KIT: variants seen among roughly 807,000 people sequenced by gnomAD.
KIT encodes KIT proto-oncogene, receptor tyrosine kinase, also known as mast/stem cell growth factor receptor Kit.
KIT carries 16 observed loss-of-function variants against 105.7 expected under a neutral mutation model. The ratio of observed to expected loss-of-function variants is 0.15; its 90% CI spans 0.10 to 0.23. The LOEUF (loss-of-function observed/expected upper bound fraction) is 0.23. KIT is among the 10% of genes least tolerant of loss of function. KIT has a pLI of 1.00. For synonymous variants in KIT, 438 were observed against 441.1 expected (o/e 0.99, Z 0.09); for missense variants, 858 against 1,213.8 (o/e 0.71, Z 4.36).
intron 9 of KIT, 32 bp downstream of exon 9, chr4:54,726,082 T>A (rs753085778): frequency 6.5e-7 from 1 of 1,548,936 alleles, no homozygotes; most frequent in South Asian, 1.1e-5. Flanking sequence ...TTTAAGGGGA[T>A]GTTTAGGCTC....
intron 1 of KIT, among the ~76,000 whole-genome samples, chr4:54,691,301 G>A (rs937542798): frequency 2.0e-5 from 3 of 152,152 alleles, no homozygotes; most frequent in African/African-American, 7.2e-5. Flanking sequence ...CTAAGACCTT[G>A]GAGTGGATGT....
chr4:54,665,607 C>T (rs1717635375), intron 1 of KIT, among the ~76,000 whole-genome samples: 2 of 152,146 alleles, frequency 1.3e-5, no homozygotes, highest in South Asian at 4.2e-4. Flanking sequence ...GGAAGGAGAA[C>T]TGGAATTATC....
rs878853760 is a variant in KIT, at chr4:54,723,626, T to A, written c.1274T>A (p.Met425Lys). ...ACTTACGACAGGCTCGTGAATGGCATGCTCCAATGTGTGGCAGCAGGATTC... is the reference window on the plus strand; with the variant it reads ...ACTTACGACAGGCTCGTGAATGGCAAGCTCCAATGTGTGGCAGCAGGATTC... The part of the protein sequence containing the change: ...ILTYDRLVNG[M>K]LQCVAAGFPE... Residue 425 changes from methionine to lysine, a missense_variant, in exon 8 of 21, where the codon ATG (methionine) becomes AAG (lysine). Met to Lys is a moderately conservative substitution (Grantham distance 95, BLOSUM62 -1). Transcript: ENST00000288135. 3.7e-6 allele frequency: 6 copies of A among 1,614,046 alleles called. No homozygotes were observed. The highest frequency in any genetic ancestry group is 5.1e-6 in the Non-Finnish European group (6 of 1,180,024).
intron 2 of KIT, among the ~76,000 whole-genome samples, chr4:54,696,334 A>C (rs1056174648): frequency 6.6e-6 from 1 of 152,144 alleles, no homozygotes; most frequent in Non-Finnish European, 1.5e-5. Context: ...TGGTAGTTGG[A>C]GTTCTTTGCT....
intron 1 of KIT, among the ~76,000 whole-genome samples, chr4:54,663,476 C>G (rs1717446318): frequency 6.6e-6 from 1 of 151,632 alleles, no homozygotes; most frequent in African/African-American, 2.4e-5. Flanking sequence ...TCAGCTTTGC[C>G]TCTTAGAAAA....
At chr4:54,733,789 TG>T (rs1578003876) in intron 17 of KIT, among the ~76,000 whole-genome samples, 1 of 152,316 alleles carries the variant, frequency 6.6e-6, no homozygotes, top group East Asian at 1.9e-4. Context: ...AACTAAGGCA[TG>T]GCATATTTTA....
chr4:54,738,248 A>G (rs1723038926), intron 20 of KIT, among the ~76,000 whole-genome samples, 181 bp from the exon 21 acceptor site: 1 of 152,116 alleles, frequency 6.6e-6, no homozygotes, highest in African/African-American at 2.4e-5. Flanking sequence ...ATGAAGGGGG[A>G]AAACAAAGCT....
At position 54,731,186 on chromosome 4, in the gene KIT, C is replaced by T. The variant is rs187229561; in HGVS notation, c.2142-142C>T. The T allele has an allele frequency of 7.1e-4, 502 of 709,516 alleles. 1 individual carries two copies. The African/African-American group carries it at 8.3e-3, about 12-fold the overall frequency. 44.0% of individuals were successfully genotyped at this position (709,516 alleles called of 1,614,324 possible). On this transcript the variant is annotated intron_variant, in intron 14 of 20. Transcript: ENST00000288135. The stretch of plus-strand genomic sequence containing the variant: ...TCTTACAGAACAGGATTTTCAAACT[C>T]TTTATTCAAACTTTACATGACTTTC...
At chr4:54,718,800 G>A (rs1038661953) in intron 7 of KIT, among the ~76,000 whole-genome samples, 1 of 152,162 alleles carries the variant, frequency 6.6e-6, no homozygotes, top group Non-Finnish European at 1.5e-5. Flanking sequence ...ACTTCTGTTA[G>A]TGTCCATATG....
At chr4:54,697,398 G>A (rs1446068304) in intron 2 of KIT, among the ~76,000 whole-genome samples, 2 of 152,142 alleles carry the variant, frequency 1.3e-5, no homozygotes, top group Non-Finnish European at 2.9e-5. Flanking sequence ...TGTAATCTGT[G>A]GGCCTAAACA....
intron 1 of KIT, among the ~76,000 whole-genome samples, chr4:54,687,663 G>A (rs1027891298): frequency 6.6e-6 from 1 of 151,908 alleles, no homozygotes; most frequent in African/African-American, 2.4e-5. Context: ...TGGTTGGGTT[G>A]GGGTCCCCAT....
Position 54,737,175 on chromosome 4 carries a change from G to T in KIT, c.2697G>T (p.Met899Ile), listed in dbSNP as rs769984428. The T allele has an allele frequency of 6.2e-7, 1 of 1,605,866 alleles. No homozygotes were observed. Among genetic ancestry groups the T allele is most frequent in the Admixed American group, 1.7e-5 (1 of 60,018 alleles). The change falls in exon 20 of 21, where the codon ATG (methionine) becomes ATT (isoleucine). Residue 899 changes from methionine (M) to isoleucine (I), a missense_variant and splice_region_variant. By Grantham distance (10) the Met-to-Ile change is conservative (BLOSUM62 1). This residue lies in a region of KIT where 105 missense variants were observed against 103.5 expected (regional missense o/e 1.01). Transcript: ENST00000288135. The part of the protein sequence containing the change: ...MLSPEHAPAE[M>I]YDIMKTCWDA... ...ATAGTAAATGGCCCTTGTCTTGCAG[G>T]TATGACATAATGAAGACTTGCTGGG...
chr4:54,701,586 C>G (rs1274617173), intron 4 of KIT, among the ~76,000 whole-genome samples: 3 of 152,184 alleles, frequency 2.0e-5, no homozygotes, highest in Non-Finnish European at 4.4e-5. Flanking sequence ...GAATCTTTGA[C>G]AGTATCCTAA....
intron 7 of KIT, among the ~76,000 whole-genome samples, chr4:54,720,515 C>T (rs1721800611): frequency 6.6e-6 from 1 of 152,158 alleles, no homozygotes; most frequent in Non-Finnish European, 1.5e-5. Context: ...TGAGCTGTTC[C>T]AATTTTTTAA....
chr4:54,659,708 CTT>C (rs1355031258), intron 1 of KIT, among the ~76,000 whole-genome samples: 1 of 152,138 alleles, frequency 6.6e-6, no homozygotes, highest in Admixed American at 6.5e-5. Context: ...CACATCTGGT[CTT>C]TATGTTTTTG....
At chr4:54,727,671 T>C in intron 11 of KIT, 129 bp downstream of exon 11, 1 of 1,345,198 alleles carries the variant, frequency 7.4e-7, no homozygotes. Flanking sequence ...ATTGCGCCCC[T>C]TTTGATAGGT....
At chr4:54,719,132 G>C (rs1011712845) in intron 7 of KIT, among the ~76,000 whole-genome samples, 1 of 152,144 alleles carries the variant, frequency 6.6e-6, no homozygotes, top group African/African-American at 2.4e-5. Flanking sequence ...GGAGACTTAA[G>C]TGTTTGCGTT....
In KIT at chr4:54,732,931, T is replaced by G. The variant is rs567562664; in HGVS notation, c.2362-139T>G. On this transcript the variant is annotated intron_variant, in intron 16 of 20. Transcript: ENST00000288135. Reference sequence around the variant, plus strand: ...CAAGGCGTACTTTTGATTTTTATTTTTGGTGTACTGAATACTTTAAAACAA... The same window carrying G: ...CAAGGCGTACTTTTGATTTTTATTTGTGGTGTACTGAATACTTTAAAACAA... The G allele has an allele frequency of 6.2e-6, 4 of 648,588 alleles. No individual in the cohort carries two copies. In the Admixed American group the frequency reaches 8.5e-5, roughly 14 times the overall value. The allele number at this position is 648,588 out of a possible 1,614,324, so 40.2% of individuals were successfully genotyped here.
At position 54,737,404 on chromosome 4, in the gene KIT, T is replaced by C. The variant is rs766407263; in HGVS notation, c.2802+124T>C. The C allele has an allele frequency of 1.2e-5, 9 of 745,686 alleles. No individual in the cohort carries two copies. In the East Asian group the frequency reaches 2.4e-4, roughly 20 times the overall value. 46.2% of individuals were successfully genotyped at this position (745,686 alleles called of 1,614,324 possible). ...TTCTCTCCTAATCTTAGGTTGCAAA[T>C]TGGGCTTCAGGTAGGGGAAGTAAAG... On this transcript the variant is annotated intron_variant, in intron 20 of 20. Transcript: ENST00000288135.
Sources: allele counts gnomAD v4.1 joint callset (sites outside exome capture counted in the v4.1 genomes callset), GRCh38; gene constraint gnomAD v4.1.1; regional missense constraint gnomAD v4.1.1; transcripts MANE v1.5; gene names NCBI Gene and HGNC (gene_info 2026-07-23, HGNC 2026-07-21).